AMPH: variants seen among roughly 807,000 people sequenced by gnomAD.
AMPH encodes the protein amphiphysin (Stiff-Mann syndrome with breast cancer 128kD autoantigen).
In AMPH, 49 loss-of-function variants were observed where a neutral mutation model predicts 99.1. That is an observed-to-expected ratio of 0.49 (90% confidence interval 0.39 to 0.63). The LOEUF (loss-of-function observed/expected upper bound fraction) is 0.63. Ranked by LOEUF, AMPH falls within the 20% of genes least tolerant of loss-of-function variation. The pLI is 0.00. For synonymous variants in AMPH, 314 were observed against 317.3 expected (o/e 0.99, Z 0.11); for missense variants, 759 against 863.4 (o/e 0.88, Z 1.52).
intron 1 of AMPH, among the ~76,000 whole-genome samples, chr7:38,628,138 C>T (rs1037524984): frequency 2.0e-5 from 3 of 152,120 alleles, no homozygotes; most frequent in African/African-American, 4.8e-5. Flanking sequence ...CTACAGAAAA[C>T]GGGCAGAAAT....
chr7:38,474,694 G>T (rs1336675828), intron 7 of AMPH, among the ~76,000 whole-genome samples: 1 of 152,114 alleles, frequency 6.6e-6, no homozygotes, highest in Non-Finnish European at 1.5e-5. Context: ...AGAGATTAAG[G>T]ATCATAAGGT....
intron 17 of AMPH, among the ~76,000 whole-genome samples, chr7:38,398,199 A>G (rs1345989696): frequency 6.6e-6 from 1 of 151,768 alleles, no homozygotes. Context: ...AAAAAAACAA[A>G]AAAAAAAGGG....
At chr7:38,624,546 TAAAA>T (rs57099272) in intron 1 of AMPH, among the ~76,000 whole-genome samples, 1 of 130,284 alleles carries the variant, frequency 7.7e-6, no homozygotes, top group Non-Finnish European at 1.6e-5. Flanking sequence ...ACAGTCATGG[TAAAA>T]AAAAAAAAAA....
Position 38,510,558 on chromosome 7 carries a change from T to C in AMPH, c.151-6854A>G, listed in dbSNP as rs1486952411. Among the ~76,000 whole-genome samples the C allele has an allele frequency of 8.5e-5, 13 of 152,322 alleles. No homozygotes were observed. In the East Asian group the frequency reaches 2.3e-3, roughly 27 times the overall value. On this transcript the variant is annotated intron_variant, in intron 2 of 20. Transcript: ENST00000356264. ...TTCTGGTAGCTCATACTCCTCACAA[T>C]AATTGCATATGGTTGGCACATTATT...
intron 1 of AMPH, among the ~76,000 whole-genome samples, chr7:38,571,309 A>T (rs1365185812): frequency 2.1e-5 from 2 of 93,838 alleles, no homozygotes; most frequent in Non-Finnish European, 3.7e-5. Context: ...GAATATATAT[A>T]TTTATATATA....
chr7:38,552,127 AATG>A (rs1282902796), intron 1 of AMPH, among the ~76,000 whole-genome samples: 2 of 152,272 alleles, frequency 1.3e-5, no homozygotes, highest in Non-Finnish European at 2.9e-5. Flanking sequence ...GAAGATGCAG[AATG>A]CAGTGTTCTC....
At chr7:38,555,173 C>G (rs1791320014) in intron 1 of AMPH, among the ~76,000 whole-genome samples, 1 of 151,588 alleles carries the variant, frequency 6.6e-6, no homozygotes, top group Non-Finnish European at 1.5e-5. Context: ...TTTGGGAGAC[C>G]AGTGAACAAT....
intron 1 of AMPH, among the ~76,000 whole-genome samples, chr7:38,616,417 GA>G (rs1222371465): frequency 6.6e-6 from 1 of 152,108 alleles, no homozygotes; most frequent in African/African-American, 2.4e-5. Flanking sequence ...TGCAACTTTG[GA>G]AAACTGTTTG....
chr7:38,413,748 A>G (rs966940917), intron 17 of AMPH, among the ~76,000 whole-genome samples: 2 of 152,222 alleles, frequency 1.3e-5, no homozygotes, highest in Admixed American at 1.3e-4. Context: ...GCTTCAGTGT[A>G]AGCCCTTGGA....
chr7:38,429,015 G>A (rs1785894875), intron 14 of AMPH: 1 of 1,289,768 alleles, frequency 7.8e-7, no homozygotes, highest in Admixed American at 2.3e-5. Context: ...AAATTCCTCT[G>A]TACCTTCTAG....
At chr7:38,523,738 T>C (rs1222752670) in intron 2 of AMPH, among the ~76,000 whole-genome samples, 1 of 152,148 alleles carries the variant, frequency 6.6e-6, no homozygotes, top group Non-Finnish European at 1.5e-5. Flanking sequence ...CTGAGTAGAA[T>C]GCTAATTAAT....
chr7:38,415,147 T>C (rs374312775), intron 17 of AMPH, among the ~76,000 whole-genome samples: 5 of 152,154 alleles, frequency 3.3e-5, no homozygotes, highest in African/African-American at 9.6e-5. Flanking sequence ...CAAACAAAAA[T>C]GTAATAATTA....
intron 1 of AMPH, among the ~76,000 whole-genome samples, chr7:38,536,645 A>G (rs1271873259): frequency 6.6e-6 from 1 of 152,196 alleles, no homozygotes; most frequent in Non-Finnish European, 1.5e-5. Flanking sequence ...ATATCACTCA[A>G]TTTCATTTCA....
chr7:38,612,926 T>G (rs556495770), intron 1 of AMPH, among the ~76,000 whole-genome samples: 1 of 152,174 alleles, frequency 6.6e-6, no homozygotes, highest in Non-Finnish European at 1.5e-5. Flanking sequence ...TAGCCCTAAT[T>G]TGCCACCTTG....
intron 1 of AMPH, among the ~76,000 whole-genome samples, chr7:38,592,872 G>A (rs776841992): frequency 5.9e-5 from 9 of 152,290 alleles, no homozygotes; most frequent in Admixed American, 2.0e-4. Context: ...TGAATAAATA[G>A]GAGCATTGCT....
At chr7:38,527,893 T>C (rs1790248703) in intron 2 of AMPH, among the ~76,000 whole-genome samples, 1 of 152,218 alleles carries the variant, frequency 6.6e-6, no homozygotes, top group African/African-American at 2.4e-5. Flanking sequence ...TTTGTAGATG[T>C]TCTTTACCAA....
intron 17 of AMPH, among the ~76,000 whole-genome samples, chr7:38,399,237 A>G (rs1472283290): frequency 6.6e-6 from 1 of 152,200 alleles, no homozygotes; most frequent in Non-Finnish European, 1.5e-5. Flanking sequence ...TTTACTTACC[A>G]CGTTGATTTT....
chr7:38,561,956 C>T (rs768082606), intron 1 of AMPH, among the ~76,000 whole-genome samples: 70 of 150,688 alleles, frequency 4.6e-4, no homozygotes, highest in Non-Finnish European at 6.9e-4. Flanking sequence ...CTTAAACCAC[C>T]CAGTCTATAT....
At chr7:38,450,386 T>C (rs926602004) in intron 11 of AMPH, among the ~76,000 whole-genome samples, 3 of 152,154 alleles carry the variant, frequency 2.0e-5, no homozygotes, top group Non-Finnish European at 4.4e-5. Flanking sequence ...AAGCCCTGAA[T>C]CTAAGGGGAC....
Sources: allele counts gnomAD v4.1 joint callset (sites outside exome capture counted in the v4.1 genomes callset), GRCh38; gene constraint gnomAD v4.1.1; transcripts MANE v1.5; gene names NCBI Gene and HGNC (gene_info 2026-07-23, HGNC 2026-07-21).